Variants in MAGI2 observed in about 807,000 individuals in gnomAD.
MAGI2 encodes membrane-associated guanylate kinase, WW and PDZ domain-containing protein 2.
In MAGI2, 35 loss-of-function variants were observed where a neutral mutation model predicts 133.3. The ratio of observed to expected loss-of-function variants is 0.26; its 90% CI spans 0.20 to 0.35. The LOEUF (loss-of-function observed/expected upper bound fraction) is 0.35, where lower values mean the gene tolerates loss of function less well. Among genes scored for constraint, MAGI2 ranks in the 10% least tolerant of loss-of-function variants. MAGI2 has a pLI of 1.00. For synonymous variants in MAGI2, 729 were observed against 710.6 expected (o/e 1.03, Z -0.41); for missense variants, 1,636 against 1,863.4 (o/e 0.88, Z 2.25).
chr7:78,359,018 G>C (rs540805533), intron 7 of MAGI2: 1 of 152,586 alleles, frequency 6.6e-6, no homozygotes, highest in African/African-American at 2.4e-5. Context: ...AGGTGCCATG[G>C]GCAGCCTGGG....
At chr7:79,321,917 T>C (rs1839214901) in intron 1 of MAGI2, among the ~76,000 whole-genome samples, 1 of 152,146 alleles carries the variant, frequency 6.6e-6, no homozygotes. Flanking sequence ...GGCTCTAATG[T>C]GGTTACTGAG....
rs1843467568 is a variant in MAGI2 at position 79,377,640 on chromosome 7, G to C, written c.301+75380C>G. Among the ~76,000 whole-genome samples the C allele has an allele frequency of 2.6e-5, 4 of 151,778 alleles. No homozygotes were observed. The South Asian group carries it at 8.3e-4, about 31-fold the overall frequency. The stretch of plus-strand genomic sequence containing the variant: ...AAGATGGACAGCCAAAAAGCTTCAA[G>C]GGCAAACTAAAGTAAAATTTGAACC... On this transcript the variant is annotated intron_variant, in intron 1 of 21. Transcript: ENST00000354212.
At chr7:78,946,021 AGAT>A (rs1218923299) in intron 2 of MAGI2, among the ~76,000 whole-genome samples, 1 of 152,190 alleles carries the variant, frequency 6.6e-6, no homozygotes, top group African/African-American at 2.4e-5. Flanking sequence ...GGTGTCTTAA[AGAT>A]GATGATGTTA....
intron 3 of MAGI2, among the ~76,000 whole-genome samples, chr7:78,593,503 C>A (rs1452721466): frequency 6.6e-6 from 1 of 152,110 alleles, no homozygotes; most frequent in Admixed American, 6.5e-5. Context: ...GAAGATGAGA[C>A]GGAAGGCAGG....
rs573976862 is a variant in MAGI2 at position 79,192,266 on chromosome 7, A to G, written c.302-185060T>C. Among the ~76,000 whole-genome samples the G allele has an allele frequency of 3.4e-3, 516 of 151,960 alleles. 8 individuals carry two copies. The highest frequency in any genetic ancestry group is 0.012 in the African/African-American group (500 of 41,386). ...ATCCTACAGCTAGAATATAAGTTTC[A>G]TGAAGTGTAGAATTTTTATCTGTTT... On this transcript the variant is annotated intron_variant, in intron 1 of 21. Transcript: ENST00000354212.
chr7:79,201,552 C>A (rs1420036505), intron 1 of MAGI2, among the ~76,000 whole-genome samples: 1 of 151,630 alleles, frequency 6.6e-6, no homozygotes. Flanking sequence ...ATGGAAAAAT[C>A]TTGGGATCTG....
At chr7:78,904,791 C>A (rs1797876919) in intron 2 of MAGI2, among the ~76,000 whole-genome samples, 1 of 152,162 alleles carries the variant, frequency 6.6e-6, no homozygotes. Flanking sequence ...GTGTGAGCCA[C>A]CCCTCCCCTG....
intron 10 of MAGI2, among the ~76,000 whole-genome samples, chr7:78,223,732 C>T (rs1789070330): frequency 6.6e-6 from 1 of 152,062 alleles, no homozygotes; most frequent in Admixed American, 6.6e-5. Flanking sequence ...TTTATACTGC[C>T]CCTTTTTTTT....
At chr7:78,723,771 G>T (rs114669169) in intron 2 of MAGI2, among the ~76,000 whole-genome samples, 1,616 of 152,252 alleles carry the variant, frequency 0.011, 34 homozygotes, top group African/African-American at 0.037. Context: ...TTAAATACAT[G>T]ACAGGGAGTT....
chr7:79,272,026 G>A lies in MAGI2; in HGVS notation c.301+180994C>T, dbSNP rs550403341. On this transcript the variant is annotated intron_variant, in intron 1 of 21. Transcript: ENST00000354212. ...GTAATTTAAACAAAAACACTGAGTT[G>A]TGGTTTAAAACTATATATACAAAAA... Among the ~76,000 whole-genome samples the A allele has an allele frequency of 2.0e-5, 3 of 152,196 alleles. No homozygotes were observed. The South Asian group carries it at 6.2e-4, about 32-fold the overall frequency.
At chr7:78,896,085 T>C (rs1167535807) in intron 2 of MAGI2, among the ~76,000 whole-genome samples, 2 of 152,136 alleles carry the variant, frequency 1.3e-5, no homozygotes, top group Admixed American at 1.3e-4. Flanking sequence ...ATGAATGGAG[T>C]TTAGAATAAA....
chr7:78,908,006 A>C (rs879239262), intron 2 of MAGI2, among the ~76,000 whole-genome samples: 2 of 152,242 alleles, frequency 1.3e-5, no homozygotes, highest in African/African-American at 4.8e-5. Context: ...AATGTTCTAA[A>C]GAAAGAGGAG....
chr7:78,250,879 T>A (rs1792315781), intron 10 of MAGI2, among the ~76,000 whole-genome samples: 1 of 152,088 alleles, frequency 6.6e-6, no homozygotes. Context: ...ACTTTCCTAC[T>A]CATTTTATGA....
chr7:78,194,911 C>A lies in MAGI2; in HGVS notation c.2232G>T (p.Glu744Asp). 1.2e-6 allele frequency: 2 copies of A among 1,612,686 alleles called. No individual in the cohort carries two copies. The highest frequency in any genetic ancestry group is 2.2e-5 in the South Asian group (2 of 90,844). ...AAATGGCCCTAGATTTCTCGTAGAG[C>A]TCATATGGATCAGGCTTCCGTGGGT... ...AFDPRKPDPY[E>D]LYEKSRAIYE... The change falls in exon 12 of 22, where the codon GAG becomes GAT. Residue 744 changes from glutamate to aspartate, a missense_variant. Glu to Asp is a conservative substitution (Grantham distance 45, BLOSUM62 2). Around this residue, in one of 5 missense-constraint regions of MAGI2, gnomAD observed 920 missense variants for 1,093.5 expected, o/e 0.84. Coordinates refer to ENST00000354212, the MANE Select transcript of MAGI2 (RefSeq NM_012301.4).
chr7:78,943,350 T>C (rs954905625), intron 2 of MAGI2, among the ~76,000 whole-genome samples: 1 of 152,144 alleles, frequency 6.6e-6, no homozygotes, highest in Non-Finnish European at 1.5e-5. Context: ...GATTTTCATA[T>C]GGGTTATACT....
intron 2 of MAGI2, among the ~76,000 whole-genome samples, chr7:78,981,676 A>C (rs1804799335): frequency 6.6e-6 from 1 of 151,888 alleles, no homozygotes; most frequent in Admixed American, 6.6e-5. Context: ...AGCTTTAAAG[A>C]AAATTTTTCT....
chr7:78,465,756 G>A (rs1207960722), intron 6 of MAGI2, among the ~76,000 whole-genome samples: 1 of 152,144 alleles, frequency 6.6e-6, no homozygotes, highest in African/African-American at 2.4e-5. Context: ...TTAACTTTCA[G>A]GGTTAAAATA....
chr7:78,127,553 A>AGGATTAT (rs1821120584), intron 18 of MAGI2, 137 bp from the exon 19 acceptor site: 3 of 637,196 alleles, frequency 4.7e-6, no homozygotes, highest in Non-Finnish European at 8.2e-6. Flanking sequence ...TTGGATGCTC[A>AGGATTAT]GGATTATGAG....
At chr7:78,495,040 C>G (rs1793959673) in intron 5 of MAGI2, among the ~76,000 whole-genome samples, 1 of 152,108 alleles carries the variant, frequency 6.6e-6, no homozygotes, top group Non-Finnish European at 1.5e-5. Flanking sequence ...CTGTGGATGA[C>G]AAGGTTTCAA....
Sources: allele counts gnomAD v4.1 joint callset (sites outside exome capture counted in the v4.1 genomes callset), GRCh38; gene constraint gnomAD v4.1.1; regional missense constraint gnomAD v4.1.1; transcripts MANE v1.5; gene names NCBI Gene and HGNC (gene_info 2026-07-23, HGNC 2026-07-21).